BPIFB3: variants seen among roughly 807,000 people sequenced by gnomAD.
BPIFB3 encodes BPI fold-containing family B member 3.
BPIFB3 carries 49 observed loss-of-function variants against 53.1 expected under a neutral mutation model. The ratio of observed to expected loss-of-function variants is 0.92; its 90% confidence interval spans 0.73 to 1.17. The LOEUF is 1.17. Among genes scored for constraint, BPIFB3 ranks in the 50% most tolerant of loss-of-function variants. The pLI, the probability that BPIFB3 is intolerant of heterozygous loss-of-function variation, is 0.00. For synonymous variants in BPIFB3, 271 were observed against 269.6 expected, an observed-to-expected ratio of 1.01 and a Z score of -0.05; for missense variants, 628 against 592.5, an observed-to-expected ratio of 1.06 and a Z score of -0.62.
At chr20:33,062,554 G>A (rs10211772) in intron 5 of BPIFB3, among the ~76,000 whole-genome samples, 1,970 of 152,328 alleles carry the variant, frequency 0.013, 46 homozygotes, top group African/African-American at 0.045. Flanking sequence ...TGTCAGGCAG[G>A]TTTCCACCAG....
At chr20:33,073,580 C>A (rs777030919) in exon 15 of BPIFB3, 1 of 1,614,082 alleles carries the variant, frequency 6.2e-7, no homozygotes. Context: ...TTACAGAATG[C>A]TGTTGTGCTG....
At chr20:33,060,926 G>A (rs985301649) in intron 4 of BPIFB3, among the ~76,000 whole-genome samples, 2 of 152,198 alleles carry the variant, frequency 1.3e-5, no homozygotes, top group Admixed American at 6.5e-5. Context: ...AGGATCACAC[G>A]CACAGATCCG....
chr20:33,072,241 A>G (rs1289093537), intron 13 of BPIFB3, 74 bp downstream of exon 14: 1 of 1,459,310 alleles, frequency 6.9e-7, no homozygotes, highest in African/African-American at 1.4e-5. Flanking sequence ...GCCTCTCTTT[A>G]TGGTTCTGAT....
chr20:33,069,018 A>T (rs1980779856), intron 10 of BPIFB3, 45 bp downstream of exon 11: 6 of 1,585,144 alleles, frequency 3.8e-6, no homozygotes, highest in Non-Finnish European at 5.2e-6. Flanking sequence ...TGGGGTTCCA[A>T]ATGGGGGTGA....
At position 33,059,803 on chromosome 20, in the gene BPIFB3, C is replaced by A. The variant is rs557939209; in HGVS notation, c.387-88C>A. 2.5e-4 allele frequency: 382 copies of A among 1,525,332 alleles called. 1 individual carries two copies. The highest frequency in any genetic ancestry group is 4.6e-4 in the Admixed American group (24 of 52,114). 94.5% of individuals were successfully genotyped at this position (1,525,332 alleles called of 1,614,324 possible). A position where few individuals can be genotyped will look rare whatever the true frequency, so the allele number is the denominator to read the frequency against. ...CAGAGGCTGAGAAGGGGGCACAGAG[C>A]CTAGGCCACTGGCAGGGCCACCCTG... is the stretch of plus-strand genomic sequence containing the variant. On this transcript the variant is annotated intron_variant, in intron 3 of 14. Transcript: ENST00000375494.
chr20:33,055,406 C>T (rs1285763656), upstream of BPIFB3: 1 of 1,612,722 alleles, frequency 6.2e-7, no homozygotes, highest in Admixed American at 1.7e-5. Context: ...AGAGTTCCTC[C>T]TTCTGCTCCT....
chr20:33,069,736 C>G (rs986028673), intron 10 of BPIFB3, 152 bp from the exon 12 acceptor site: 3 of 764,064 alleles, frequency 3.9e-6, no homozygotes, highest in Non-Finnish European at 6.7e-6. Context: ...ACAGCAAAAC[C>G]TTCAAATTAC....
At chr20:33,070,622 T>C (rs574171403) in intron 11 of BPIFB3, among the ~76,000 whole-genome samples, 1 of 152,324 alleles carries the variant, frequency 6.6e-6, no homozygotes, top group African/African-American at 2.4e-5. Flanking sequence ...GTAGGGACTT[T>C]CCTGGAGATT....
At chr20:33,067,411 C>T (rs1004046233) in intron 9 of BPIFB3, among the ~76,000 whole-genome samples, 6 of 152,160 alleles carry the variant, frequency 3.9e-5, no homozygotes, top group Non-Finnish European at 7.3e-5. Flanking sequence ...ACTACAAGGT[C>T]CTTATGTAAC....
intron 5 of BPIFB3, 100 bp from the exon 7 acceptor site, chr20:33,063,515 C>A: frequency 7.3e-7 from 1 of 1,365,522 alleles, no homozygotes; most frequent in Non-Finnish European, 1.0e-6. Context: ...CCTTGGTCCC[C>A]AGCACCACAT....
exon 10 of BPIFB3, chr20:33,068,964 G>A: frequency 6.2e-7 from 1 of 1,613,450 alleles, no homozygotes; most frequent in Non-Finnish European, 8.5e-7. Context: ...CCCTCTTTGA[G>A]CTGAACTCCG....
rs1310843116 is a variant in BPIFB3 at position 33,061,851 on chromosome 20, G to T, written c.591+20G>T. The T allele has an allele frequency of 6.2e-7, 1 of 1,613,586 alleles. No individual in the cohort carries two copies. On this transcript the variant is annotated intron_variant, in intron 5 of 14. Transcript: ENST00000375494. Reference sequence around the variant, plus strand: ...GGACTGGTGAGTGTGCGGGCCGTGTGCCAGCATGCCCTCTCCCAGGACTGG... The same window carrying T: ...GGACTGGTGAGTGTGCGGGCCGTGTTCCAGCATGCCCTCTCCCAGGACTGG...
rs772806996 is a variant in BPIFB3, at chr20:33,068,981, G to T, written c.1149+8G>T. 3.1e-6 allele frequency: 5 copies of T among 1,608,072 alleles called. No individual in the cohort carries two copies. The highest frequency in any genetic ancestry group is 4.3e-6 in the Non-Finnish European group (5 of 1,175,416). On this transcript the variant is annotated splice_region_variant and intron_variant, in intron 10 of 14. Coordinates refer to ENST00000375494, the Ensembl canonical transcript of BPIFB3. ...CTCTTTGAGCTGAACTCCGTGAGTG[G>T]TCAAGGGGTGGCTGGGGGCCCGGCA...
At chr20:33,072,910 T>A in intron 14 of BPIFB3, 117 bp downstream of exon 15, 1 of 901,188 alleles carries the variant, frequency 1.1e-6, no homozygotes. Flanking sequence ...CCTGATCCAT[T>A]TTCTAAATTT....
intron 10 of BPIFB3, 49 bp downstream of exon 11, chr20:33,069,022 G>A: frequency 1.3e-6 from 2 of 1,582,846 alleles, no homozygotes; most frequent in Non-Finnish European, 1.7e-6. Context: ...GTTCCAAATG[G>A]GGGTGACTGT....
At chr20:33,061,810 C>T (rs995474948) in exon 5 of BPIFB3, 33 of 1,614,098 alleles carry the variant, frequency 2.0e-5, no homozygotes, top group Non-Finnish European at 2.7e-5. Context: ...AACAGATGCT[C>T]TTCAAGGTGC....
rs190288803 is a variant in BPIFB3 at position 33,064,255 on chromosome 20, G to A, written c.653-202G>A. On this transcript the variant is annotated intron_variant, in intron 6 of 14. Coordinates refer to ENST00000375494, the Ensembl canonical transcript of BPIFB3. ...AACAGGAATCCTGGTTTTGAACACCGTGACTGTGTGGCCTTGGCCTGGTGA... is the reference window on the plus strand; with the variant it reads ...AACAGGAATCCTGGTTTTGAACACCATGACTGTGTGGCCTTGGCCTGGTGA... Among the ~76,000 whole-genome samples the A allele has an allele frequency of 1.4e-3, 215 of 152,328 alleles. 6 individuals carry two copies. The highest frequency in any genetic ancestry group is 2.3e-3 in the South Asian group (11 of 4,822).
intron 5 of BPIFB3, among the ~76,000 whole-genome samples, chr20:33,063,065 G>C (rs1980520973): frequency 6.6e-6 from 1 of 152,218 alleles, no homozygotes; most frequent in East Asian, 1.9e-4. Flanking sequence ...GTGATTCCCA[G>C]ACTTGGATTC....
chr20:33,065,275 T>C (rs1352215102), intron 8 of BPIFB3, among the ~76,000 whole-genome samples: 1 of 152,152 alleles, frequency 6.6e-6, no homozygotes, highest in Non-Finnish European at 1.5e-5. Context: ...GGGTGGCTCA[T>C]GCCTGTAATC....
Sources: gnomAD v4.1 joint callset for allele counts (sites outside exome capture counted in the v4.1 genomes callset) on GRCh38, gnomAD v4.1.1 for gene constraint, MANE v1.5 for transcripts, NCBI Gene and HGNC (gene_info 2026-07-23, HGNC 2026-07-21) for gene names.